Variants in WWOX observed in about 807,000 individuals in gnomAD.
WWOX encodes WW domain-containing oxidoreductase.
In WWOX, 69 loss-of-function variants were observed where a neutral mutation model predicts 46.2. The observed-to-expected ratio is 1.49, with a 90% CI of 1.23 to 1.82. The LOEUF (loss-of-function observed/expected upper bound fraction) is 1.82. WWOX is among the 40% of genes most tolerant of loss of function. WWOX has a pLI of 0.00. For synonymous variants in WWOX, 359 were observed against 202.6 expected, an observed-to-expected ratio of 1.77 and a Z score of -6.56; for missense variants, 919 against 542.6, an observed-to-expected ratio of 1.69 and a Z score of -6.89.
chr16:79,190,406 T>C (rs2051111242), intron 8 of WWOX, among the ~76,000 whole-genome samples: 1 of 152,152 alleles, frequency 6.6e-6, no homozygotes, highest in South Asian at 2.1e-4. Context: ...GGTCTGGATA[T>C]GAATTCCAAA....
chr16:78,405,282 G>A (rs1238974484), intron 6 of WWOX, among the ~76,000 whole-genome samples: 3 of 152,094 alleles, frequency 2.0e-5, no homozygotes, highest in Non-Finnish European at 4.4e-5. Context: ...TCCACTCTGG[G>A]TAACTGTTTT....
intron 8 of WWOX, among the ~76,000 whole-genome samples, chr16:78,859,022 AAAAAAATATATATATATATATATATATGT>A (rs1185411931): frequency 4.5e-4 from 15 of 33,662 alleles, no homozygotes; most frequent in African/African-American, 1.7e-3. Context: ...AAAAAAAAAA[AAAAAAATATATATATATATATATATATGT>A]ATATATATAT....
intron 8 of WWOX, among the ~76,000 whole-genome samples, chr16:78,507,997 CGTGTGTGTGT>C (rs959701013): frequency 6.5e-5 from 2 of 30,956 alleles, no homozygotes; most frequent in East Asian, 2.0e-3. Flanking sequence ...TGGTTGCGTG[CGTGTGTGTGT>C]GTGTGTGTGT....
intron 8 of WWOX, among the ~76,000 whole-genome samples, chr16:78,798,123 G>A (rs1036083523): frequency 6.6e-6 from 1 of 152,162 alleles, no homozygotes; most frequent in African/African-American, 2.4e-5. Flanking sequence ...TGTTATATAG[G>A]GAGCAAAGGA....
chr16:79,211,794 T>TAA lies in WWOX; in HGVS notation c.1244_1245dup. Residue 415 remains the stop codon, a frameshift_variant and stop_retained_variant, in exon 9 of 9, where the codon TAA becomes TAAAA. Coordinates refer to ENST00000566780, the MANE Select transcript of WWOX (RefSeq NM_016373.4). LOFTEE classifies it high-confidence loss of function. The stretch of plus-strand genomic sequence containing the variant: ...AGAACGGCTTGGCAGCCAGTCCGGC[T>TAA]AAGTGGAGCTCAGAGCGGATGGGCA... ...IQERLGSQSG[*] 1 of 1,614,032 alleles carries TAA rather than the reference T, an allele frequency of 6.2e-7. No homozygotes were observed. Among genetic ancestry groups the TAA allele is most frequent in the African/African-American group, 1.3e-5 (1 of 75,054 alleles).
intron 5 of WWOX, among the ~76,000 whole-genome samples, chr16:78,337,350 C>T (rs1016425865): frequency 2.0e-5 from 3 of 152,072 alleles, no homozygotes; most frequent in African/African-American, 7.2e-5. Context: ...GTGTACCCAC[C>T]GATCGCAATT....
chr16:79,096,617 C>T (rs911455518), intron 8 of WWOX, among the ~76,000 whole-genome samples: 1 of 152,188 alleles, frequency 6.6e-6, no homozygotes, highest in Non-Finnish European at 1.5e-5. Flanking sequence ...CTCTGACCCC[C>T]TTCACCTGCT....
At position 78,359,794 on chromosome 16, in the gene WWOX, G is replaced by C. The variant is rs539205937; in HGVS notation, c.517-27066G>C. Reference sequence around the variant, plus strand: ...TCGGTGTGAGAAACACACAAGGCATGATGCCATTCCCATCTGGGATGAACA... The same window carrying C: ...TCGGTGTGAGAAACACACAAGGCATCATGCCATTCCCATCTGGGATGAACA... On this transcript the variant is annotated intron_variant, in intron 5 of 8. Transcript: ENST00000566780. Among the ~76,000 whole-genome samples the C allele has an allele frequency of 1.1e-4, 16 of 152,320 alleles. No homozygotes were observed. The South Asian group carries it at 3.3e-3, about 32-fold the overall frequency.
chr16:78,998,475 A>T (rs542763955), intron 8 of WWOX, among the ~76,000 whole-genome samples: 1 of 152,286 alleles, frequency 6.6e-6, no homozygotes, highest in East Asian at 1.9e-4. Flanking sequence ...TCACTGAGGG[A>T]CTAAGAGAAA....
chr16:78,129,500 C>T (rs191614107), intron 4 of WWOX, among the ~76,000 whole-genome samples: 22 of 152,052 alleles, frequency 1.4e-4, no homozygotes, highest in Admixed American at 8.5e-4. Flanking sequence ...ATGGGACTGC[C>T]GTTGTGTGTG....
chr16:78,629,073 C>T (rs928501196), intron 8 of WWOX, among the ~76,000 whole-genome samples: 6 of 152,138 alleles, frequency 3.9e-5, no homozygotes, highest in African/African-American at 7.2e-5. Flanking sequence ...ATTGTGCTTA[C>T]ATATTTCAAA....
chr16:78,696,651 A>G (rs1249267711), intron 8 of WWOX, among the ~76,000 whole-genome samples: 3 of 151,118 alleles, frequency 2.0e-5, no homozygotes, highest in African/African-American at 7.3e-5. Flanking sequence ...TCTTTTTTAT[A>G]TTTTCTTTAA....
chr16:79,137,170 G>A (rs57593957), intron 8 of WWOX, among the ~76,000 whole-genome samples: 27,747 of 152,132 alleles, frequency 0.18, 3,122 homozygotes, highest in African/African-American at 0.32. Flanking sequence ...GCAACGTCCA[G>A]TGCTTCCCTG....
intron 4 of WWOX, among the ~76,000 whole-genome samples, chr16:78,142,056 C>A (rs532107773): frequency 4.1e-4 from 61 of 150,152 alleles, no homozygotes; most frequent in African/African-American, 1.4e-3. Context: ...TATCTCATAA[C>A]AGATTTGATT....
chr16:78,282,487 T>C (rs1165486003), intron 5 of WWOX, among the ~76,000 whole-genome samples: 2 of 152,164 alleles, frequency 1.3e-5, no homozygotes, highest in East Asian at 3.9e-4. Context: ...TTGCGTTCTG[T>C]TACCTGGAAG....
intron 5 of WWOX, among the ~76,000 whole-genome samples, chr16:78,175,252 C>G (rs1192925251): frequency 6.6e-6 from 1 of 152,018 alleles, no homozygotes; most frequent in Admixed American, 6.6e-5. Flanking sequence ...GAGCTAGTCC[C>G]TGACCCTTAG....
intron 8 of WWOX, among the ~76,000 whole-genome samples, chr16:78,886,629 C>A (rs568236125): frequency 8.1e-4 from 89 of 110,288 alleles, no homozygotes; most frequent in African/African-American, 3.5e-3. Context: ...TAAAATATTA[C>A]AAAGAAAAAC....
At chr16:78,805,624 A>T (rs1872578399) in intron 8 of WWOX, among the ~76,000 whole-genome samples, 1 of 152,144 alleles carries the variant, frequency 6.6e-6, no homozygotes, top group South Asian at 2.1e-4. Context: ...GATGCAGAAG[A>T]GTGGGATCTA....
intron 8 of WWOX, among the ~76,000 whole-genome samples, chr16:78,446,184 A>G (rs945252520): frequency 6.6e-6 from 1 of 152,240 alleles, no homozygotes; most frequent in East Asian, 1.9e-4. Context: ...TTAATGTACA[A>G]TGGTGAAGAA....
Sources: allele counts gnomAD v4.1 joint callset (sites outside exome capture counted in the v4.1 genomes callset), GRCh38; gene constraint gnomAD v4.1.1; transcripts MANE v1.5; gene names NCBI Gene and HGNC (gene_info 2026-07-23, HGNC 2026-07-21).